Variants in ARHGAP6 observed in about 807,000 individuals in gnomAD.
The protein encoded by ARHGAP6 is rho GTPase-activating protein 6.
ARHGAP6 carries 16 observed loss-of-function variants against 55.7 expected under a neutral mutation model. The ratio of observed to expected loss-of-function variants is 0.29; its 90% CI spans 0.19 to 0.44. ARHGAP6 has a LOEUF of 0.44. Among genes scored for constraint, ARHGAP6 ranks in the 20% least tolerant of loss-of-function variants. The pLI is 1.00. For missense variants in ARHGAP6, 698 were observed against 808.9 expected (o/e 0.86, Z 1.66); for synonymous variants, 382 against 360.9 (o/e 1.06, Z -0.66).
intron 1 of ARHGAP6, among the ~76,000 whole-genome samples, chrX:11,549,117 A>G (rs1191156277): frequency 8.9e-6 from 1 of 112,135 alleles, no homozygotes; most frequent in African/African-American, 3.2e-5. Context: ...TTCTTTCCCA[A>G]ATTACATCAG....
In ARHGAP6 at chrX:11,367,610, A is replaced by G. The variant is rs1166425868; in HGVS notation, c.589-112903T>C. Among the ~76,000 whole-genome samples the G allele has an allele frequency of 3.6e-5, 4 of 112,558 alleles. No homozygotes were observed. The East Asian group carries it at 1.1e-3, about 31-fold the overall frequency. On this transcript the variant is annotated intron_variant, in intron 1 of 12. Coordinates refer to ENST00000337414, the MANE Select transcript of ARHGAP6 (RefSeq NM_013427.3). ...TAACCTCACAAAGTATTATATATAA[A>G]TAATATGGTCATTTAAAATTTCCCA...
chrX:11,589,939 C>T (rs1330993828), intron 1 of ARHGAP6, among the ~76,000 whole-genome samples: 1 of 111,935 alleles, frequency 8.9e-6, no homozygotes, highest in Non-Finnish European at 1.9e-5. Flanking sequence ...AATTATACAG[C>T]CTTTGATGGG....
chrX:11,242,680 T>C (rs2047299584), intron 2 of ARHGAP6, among the ~76,000 whole-genome samples: 1 of 112,107 alleles, frequency 8.9e-6, no homozygotes, highest in Non-Finnish European at 1.9e-5. Context: ...AGTCATTTTT[T>C]TAAGCTACAT....
At chrX:11,367,510 G>C (rs750139343) in intron 1 of ARHGAP6, among the ~76,000 whole-genome samples, 6 of 111,844 alleles carry the variant, frequency 5.4e-5, no homozygotes, top group African/African-American at 1.6e-4. Context: ...TTGACTACAA[G>C]GACAAATTGA....
chrX:11,323,866 C>CAAAAAAAAAAAAAAA (rs61462099), intron 1 of ARHGAP6, among the ~76,000 whole-genome samples: 4 of 40,285 alleles, frequency 9.9e-5, no homozygotes, highest in Non-Finnish European at 1.7e-4. Context: ...ACCCCCATTT[C>CAAAAAAAAAAAAAAA]AAAAAAAAAA....
At chrX:11,595,578 G>A (rs982313048) in intron 1 of ARHGAP6, among the ~76,000 whole-genome samples, 6 of 111,742 alleles carry the variant, frequency 5.4e-5, no homozygotes, top group African/African-American at 1.6e-4. Flanking sequence ...TGACAAATGG[G>A]ATCTAATTAA....
At chrX:11,578,222 C>T (rs970976715) in intron 1 of ARHGAP6, among the ~76,000 whole-genome samples, 7 of 111,651 alleles carry the variant, frequency 6.3e-5, no homozygotes, top group Non-Finnish European at 1.3e-4. Context: ...ACCCTCTATA[C>T]TCTAAGTTCA....
chrX:11,330,012 G>A (rs1313720155), intron 1 of ARHGAP6, among the ~76,000 whole-genome samples: 2 of 112,788 alleles, frequency 1.8e-5, no homozygotes, highest in African/African-American at 6.4e-5. Context: ...CTGCATATTC[G>A]CAAGTGGATT....
intron 2 of ARHGAP6, among the ~76,000 whole-genome samples, chrX:11,211,452 A>C (rs113073218): frequency 2.7e-5 from 3 of 109,862 alleles, no homozygotes; most frequent in South Asian, 3.8e-4. Flanking sequence ...GGATGTTCTC[A>C]ATCTCCTGAC....
intron 1 of ARHGAP6, among the ~76,000 whole-genome samples, chrX:11,606,101 T>G (rs1256825274): frequency 8.9e-6 from 1 of 111,736 alleles, no homozygotes; most frequent in Non-Finnish European, 1.9e-5. Context: ...GAGTTCAGAC[T>G]GTTGAAGATT....
chrX:11,394,876 C>T (rs141368026), intron 1 of ARHGAP6, among the ~76,000 whole-genome samples: 1,557 of 111,623 alleles, frequency 0.014, 25 homozygotes, highest in African/African-American at 0.048. Flanking sequence ...TCAGGATTGG[C>T]TACATAATTT....
chrX:11,184,670 T>C (rs889019189), intron 5 of ARHGAP6, among the ~76,000 whole-genome samples: 1 of 112,744 alleles, frequency 8.9e-6, no homozygotes, highest in Non-Finnish European at 1.9e-5. Flanking sequence ...TATTTCTCTC[T>C]ATATAATAAT....
At position 11,186,311 on chromosome X, in the gene ARHGAP6, T is replaced by G. The variant is rs1368759054; in HGVS notation, c.1198A>C (p.Lys400Gln). Residue 400 changes from lysine to glutamine, a missense_variant, in exon 5 of 13, where the codon AAA (lysine) becomes CAA (glutamine). Lys to Gln is a moderately conservative substitution (Grantham distance 53). Coordinates refer to ENST00000337414, the MANE Select transcript of ARHGAP6 (RefSeq NM_013427.3). Reference sequence around the variant, plus strand: ...CTGTAAATAGGATTCAGACTGAGTTTCTTATCTCTGGCTTTTTCCTTTTTA... The same window carrying G: ...CTGTAAATAGGATTCAGACTGAGTTGCTTATCTCTGGCTTTTTCCTTTTTA... Reference protein sequence around the residue: ...QSKKEKARDKKLSLNPIYRQV... With the variant: ...QSKKEKARDKQLSLNPIYRQV... The G allele has an allele frequency of 8.3e-7, 1 of 1,210,017 alleles. No homozygotes were observed. The highest frequency in any genetic ancestry group is 1.1e-6 in the Non-Finnish European group (1 of 895,234).
rs754189604 is a variant in ARHGAP6, at chrX:11,545,956, G to T, written c.588+118285C>A. Among the ~76,000 whole-genome samples, 4 of 110,822 alleles carry T rather than the reference G, an allele frequency of 3.6e-5. No homozygotes were observed. In the East Asian group the frequency reaches 8.4e-4, roughly 23 times the overall value. ...GATGCCCATCTGGATATGCAAGAAC[G>T]GAGCCGCTGTGATTTGCCCTGCAAT... On this transcript the variant is annotated intron_variant, in intron 1 of 12. Transcript: ENST00000337414.
chrX:11,481,900 C>T (rs1392277471), intron 1 of ARHGAP6, among the ~76,000 whole-genome samples: 4 of 112,101 alleles, frequency 3.6e-5, no homozygotes, highest in Non-Finnish European at 7.5e-5. Context: ...GGAAACAAGA[C>T]ACAAATGACA....
At chrX:11,416,186 T>C (rs1229481074) in intron 1 of ARHGAP6, among the ~76,000 whole-genome samples, 1 of 111,600 alleles carries the variant, frequency 9.0e-6, no homozygotes, top group Non-Finnish European at 1.9e-5. Context: ...AAACCAAGTT[T>C]CCTCTTAGAC....
intron 1 of ARHGAP6, among the ~76,000 whole-genome samples, chrX:11,357,099 T>C (rs770722696): frequency 8.9e-6 from 1 of 111,928 alleles, no homozygotes; most frequent in South Asian, 3.8e-4. Flanking sequence ...AGGAATTTCA[T>C]CACAGCCATA....
chrX:11,472,774 C>T (rs2050360907), intron 1 of ARHGAP6, among the ~76,000 whole-genome samples: 1 of 111,334 alleles, frequency 9.0e-6, no homozygotes, highest in Non-Finnish European at 1.9e-5. Flanking sequence ...AGATCTGTCA[C>T]ATGGTGATGT....
intron 1 of ARHGAP6, among the ~76,000 whole-genome samples, chrX:11,482,781 G>C (rs2050469807): frequency 9.0e-6 from 1 of 110,815 alleles, no homozygotes; most frequent in Admixed American, 9.5e-5. Flanking sequence ...TCTTTTGCCT[G>C]CACATGTGAA....
Sources: gnomAD v4.1 joint callset for allele counts (sites outside exome capture counted in the v4.1 genomes callset) on GRCh38, gnomAD v4.1.1 for gene constraint, MANE v1.5 for transcripts, NCBI Gene and HGNC (gene_info 2026-07-23, HGNC 2026-07-21) for gene names.